Variants in CDH18 observed in about 807,000 individuals in gnomAD.
CDH18 encodes cadherin-18.
Under a neutral mutation model 67.9 loss-of-function variants are expected in CDH18, and 31 were observed. That is an observed-to-expected ratio of 0.46 (90% CI 0.34 to 0.62). The LOEUF (loss-of-function observed/expected upper bound fraction) is 0.62. Ranked by LOEUF, CDH18 falls within the 20% of genes least tolerant of loss-of-function variation. CDH18 has a pLI of 0.01. For synonymous variants in CDH18, 362 were observed against 347.2 expected, an observed-to-expected ratio of 1.04 and a Z score of -0.48; for missense variants, 890 against 975.5, an observed-to-expected ratio of 0.91 and a Z score of 1.17.
At chr5:20,113,469 T>C (rs1272307924) in intron 2 of CDH18, among the ~76,000 whole-genome samples, 1 of 152,208 alleles carries the variant, frequency 6.6e-6, no homozygotes, top group African/African-American at 2.4e-5. Context: ...TTCACACTTC[T>C]GTCTCTGGCA....
At chr5:20,246,334 C>T (rs963972553) in intron 2 of CDH18, among the ~76,000 whole-genome samples, 8 of 152,056 alleles carry the variant, frequency 5.3e-5, no homozygotes, top group Non-Finnish European at 1.0e-4. Flanking sequence ...ATTAGTAAAC[C>T]AGTTACAAAC....
chr5:20,463,295 A>C lies in CDH18; in HGVS notation c.-580+112167T>G, dbSNP rs146919194. On this transcript the variant is annotated intron_variant, in intron 1 of 14. Coordinates refer to the CDH18 transcript ENST00000507958. ...TTGTAGAGTTAAGGCTGAGATTAGT[A>C]AAACAAGAAAAAAAAAAAGAGACAA... Among the ~76,000 whole-genome samples, 193 of 151,604 alleles carry C rather than the reference A, an allele frequency of 1.3e-3. 1 individual carries two copies. Among genetic ancestry groups the C allele is most frequent in the Middle Eastern group, 3.4e-3 (1 of 294 alleles).
chr5:20,566,364 T>G (rs1221222205), intron 1 of CDH18, among the ~76,000 whole-genome samples: 1 of 145,010 alleles, frequency 6.9e-6, no homozygotes, highest in Non-Finnish European at 1.5e-5. Flanking sequence ...CTTTTTCTTT[T>G]TTTTTTTTTT....
intron 1 of CDH18, among the ~76,000 whole-genome samples, chr5:20,300,888 T>A (rs986516544): frequency 1.3e-5 from 2 of 152,172 alleles, no homozygotes; most frequent in Non-Finnish European, 2.9e-5. Flanking sequence ...CAGAAAGAAT[T>A]AACTGTCCTG....
intron 1 of CDH18, among the ~76,000 whole-genome samples, chr5:20,298,815 A>ATC (rs1747736218): frequency 6.6e-6 from 1 of 152,204 alleles, no homozygotes; most frequent in African/African-American, 2.4e-5. Flanking sequence ...GGGAATTGAA[A>ATC]ATGTCTGAGA....
At chr5:20,300,484 T>TAAAA (rs1561951861) in intron 1 of CDH18, among the ~76,000 whole-genome samples, 2 of 152,018 alleles carry the variant, frequency 1.3e-5, no homozygotes. Flanking sequence ...TTTAACATAC[T>TAAAA]TTTTAGGGCA....
chr5:19,843,663 C>G (rs2150044531), intron 2 of CDH18, among the ~76,000 whole-genome samples: 1 of 152,334 alleles, frequency 6.6e-6, no homozygotes, highest in South Asian at 2.1e-4. Flanking sequence ...GATCCACCAA[C>G]AGCTTGCACT....
At chr5:19,533,031 T>C (rs1748887157) in intron 9 of CDH18, among the ~76,000 whole-genome samples, 1 of 152,106 alleles carries the variant, frequency 6.6e-6, no homozygotes, top group Non-Finnish European at 1.5e-5. Flanking sequence ...AAAAATAACA[T>C]TGCAGCTGCA....
chr5:20,056,680 CTTTT>C (rs397758122), intron 2 of CDH18, among the ~76,000 whole-genome samples: 1 of 70,020 alleles, frequency 1.4e-5, no homozygotes, highest in Non-Finnish European at 2.6e-5. Context: ...TCTATATTCT[CTTTT>C]TTTTTTTTTT....
chr5:20,334,267 G>A lies in CDH18; in HGVS notation c.-579-78762C>T, dbSNP rs376057416. On this transcript the variant is annotated intron_variant, in intron 1 of 14. Transcript: ENST00000507958. ...TCCTTCCTCAGCCTCCCGAGTAGCT[G>A]GGACTACAGGCGCCCGCCACCTCGC... 2.7e-5 allele frequency among the ~76,000 whole-genome samples: 4 copies of A among 150,368 alleles called. No homozygotes were observed. The East Asian group carries it at 8.0e-4, about 30-fold the overall frequency.
intron 1 of CDH18, among the ~76,000 whole-genome samples, chr5:20,446,549 T>C (rs555041368): frequency 6.6e-5 from 10 of 152,214 alleles, no homozygotes; most frequent in Admixed American, 6.5e-4. Flanking sequence ...CCCAAAGAAA[T>C]AAGAGAATCC....
At chr5:19,490,631 T>G (rs186292702) in intron 11 of CDH18, among the ~76,000 whole-genome samples, 67 of 152,084 alleles carry the variant, frequency 4.4e-4, no homozygotes, top group Non-Finnish European at 8.2e-4. Context: ...GCCAGGATGA[T>G]CTCAATCTCT....
chr5:20,225,612 G>A (rs76904331), intron 2 of CDH18, among the ~76,000 whole-genome samples: 3,492 of 152,196 alleles, frequency 0.023, 122 homozygotes, highest in African/African-American at 0.079. Flanking sequence ...AAAGAGTGGT[G>A]AGCATGAAGA....
In CDH18 at chr5:19,941,924, T is replaced by C. The variant is rs1307015827; in HGVS notation, c.-257+39136A>G. Among the ~76,000 whole-genome samples, 5 of 152,180 alleles carry C rather than the reference T, an allele frequency of 3.3e-5. No homozygotes were observed. The East Asian group carries it at 9.6e-4, about 29-fold the overall frequency. ...GTTGAAAAACTGAGACTAAAGTGAA[T>C]GTTCCATCTTCTCAATCATGTTCAT... On this transcript the variant is annotated intron_variant, in intron 2 of 12. Coordinates refer to ENST00000382275, the MANE Select transcript of CDH18 (RefSeq NM_004934.5).
intron 6 of CDH18, among the ~76,000 whole-genome samples, chr5:19,604,942 T>C (rs1382861593): frequency 6.6e-6 from 1 of 152,020 alleles, no homozygotes; most frequent in East Asian, 1.9e-4. Context: ...AGAAAGACTA[T>C]TAGAAATTTT....
chr5:19,665,999 T>C (rs1416301002), intron 5 of CDH18, among the ~76,000 whole-genome samples: 4 of 151,972 alleles, frequency 2.6e-5, no homozygotes, highest in African/African-American at 7.2e-5. Flanking sequence ...AAAAGTTAAG[T>C]AGAATGTAAC....
chr5:20,530,487 A>G (rs1336217664), intron 1 of CDH18, among the ~76,000 whole-genome samples: 1 of 152,086 alleles, frequency 6.6e-6, no homozygotes, highest in Non-Finnish European at 1.5e-5. Flanking sequence ...ACTTCAAACT[A>G]TACTACAAGG....
rs1433475473 is a variant in CDH18, at chr5:19,594,280, T to C, written c.812-3036A>G. 3.3e-5 allele frequency among the ~76,000 whole-genome samples: 5 copies of C among 152,174 alleles called. No homozygotes were observed. In the South Asian group the frequency reaches 1.0e-3, roughly 32 times the overall value. ...GATTCTTCTGCCTCAACCTCCTGAG[T>C]AGCTGTGATTACAGGCCCGCACCAC... On this transcript the variant is annotated intron_variant, in intron 6 of 12. Coordinates refer to ENST00000382275, the MANE Select transcript of CDH18 (RefSeq NM_004934.5).
chr5:19,612,725 T>A (rs1057380438), intron 5 of CDH18, 124 bp from the exon 6 acceptor site: 25 of 725,446 alleles, frequency 3.4e-5, no homozygotes, highest in Admixed American at 1.4e-4. Context: ...AAGTCACACG[T>A]CTGAGAAAAA....
Sources: allele counts gnomAD v4.1 joint callset (sites outside exome capture counted in the v4.1 genomes callset), GRCh38; gene constraint gnomAD v4.1.1; transcripts MANE v1.5; gene names NCBI Gene and HGNC (gene_info 2026-07-23, HGNC 2026-07-21).